Variants in THEMIS observed in about 807,000 individuals in gnomAD.
THEMIS encodes protein THEMIS.
Under a neutral mutation model 52.6 loss-of-function variants are expected in THEMIS, and 37 were observed. The ratio of observed to expected loss-of-function variants is 0.70; its 90% confidence interval spans 0.54 to 0.93. The LOEUF (loss-of-function observed/expected upper bound fraction) is 0.93. Ranked by LOEUF, THEMIS falls within the 40% of genes least tolerant of loss-of-function variation. The pLI is 0.00. For synonymous variants in THEMIS, 292 were observed against 272.7 expected (o/e 1.07, Z -0.70); for missense variants, 808 against 763.1 (o/e 1.06, Z -0.69).
chr6:127,909,754 A>G (rs1349885971), intron 1 of THEMIS: 1 of 152,148 alleles, frequency 6.6e-6, no homozygotes, highest in Admixed American at 6.6e-5. Context: ...CAACAACTAT[A>G]CACACACAAA....
intron 3 of THEMIS, among the ~76,000 whole-genome samples, chr6:127,826,807 T>C (rs1427877999): frequency 1.3e-5 from 2 of 152,184 alleles, no homozygotes; most frequent in Non-Finnish European, 1.5e-5. Flanking sequence ...TGCACTGTTA[T>C]GTGTATCTAT....
intron 4 of THEMIS, among the ~76,000 whole-genome samples, chr6:127,740,442 T>TGTTCATAGTCATATCCCA (rs11269905): frequency 0.18 from 27,804 of 152,000 alleles, 3,184 homozygotes; most frequent in African/African-American, 0.33. Context: ...AAATTCAAAC[T>TGTTCATAGTCATATCCCA]GTGATTATTT....
intron 1 of THEMIS, among the ~76,000 whole-genome samples, chr6:127,897,396 G>T (rs1460124999): frequency 1.3e-5 from 2 of 151,248 alleles, no homozygotes; most frequent in East Asian, 3.9e-4. Flanking sequence ...AATTGACAAA[G>T]AGTAAATATC....
intron 4 of THEMIS, among the ~76,000 whole-genome samples, chr6:127,805,163 A>T (rs1476594130): frequency 6.6e-6 from 1 of 152,036 alleles, no homozygotes; most frequent in African/African-American, 2.4e-5. Context: ...TTCTCATGAG[A>T]TCTAAAATCG....
intron 4 of THEMIS, among the ~76,000 whole-genome samples, chr6:127,806,222 G>T (rs1388224544): frequency 1.3e-5 from 2 of 152,104 alleles, no homozygotes; most frequent in East Asian, 1.9e-4. Context: ...TTTCTTAAAG[G>T]CCAGAAATCT....
chr6:127,791,062 C>T (rs1203511802), intron 4 of THEMIS, among the ~76,000 whole-genome samples: 1 of 152,206 alleles, frequency 6.6e-6, no homozygotes, highest in Admixed American at 6.5e-5. Context: ...TTTCTTGTTG[C>T]CTGCCATGTG....
intron 4 of THEMIS, among the ~76,000 whole-genome samples, chr6:127,780,362 G>C (rs1360178499): frequency 1.3e-5 from 2 of 152,178 alleles, no homozygotes; most frequent in Non-Finnish European, 2.9e-5. Flanking sequence ...TTGCCAGTCT[G>C]TGTCTTTTAA....
At chr6:127,839,475 ATT>A (rs1778974074) in intron 2 of THEMIS, among the ~76,000 whole-genome samples, 1 of 151,936 alleles carries the variant, frequency 6.6e-6, no homozygotes, top group Non-Finnish European at 1.5e-5. Flanking sequence ...TAATGTTACT[ATT>A]TGCAAATAAT....
chr6:127,706,763 T>G (rs954344103), downstream of THEMIS, among the ~76,000 whole-genome samples: 1 of 151,978 alleles, frequency 6.6e-6, no homozygotes, highest in African/African-American at 2.4e-5. Context: ...GAAGGTAATA[T>G]GTGGATAAAG....
chr6:127,775,922 A>G (rs1242273331), intron 4 of THEMIS, among the ~76,000 whole-genome samples: 2 of 152,134 alleles, frequency 1.3e-5, no homozygotes, highest in African/African-American at 4.8e-5. Flanking sequence ...ATGTATCTCT[A>G]ACATTTTCTC....
intron 4 of THEMIS, among the ~76,000 whole-genome samples, chr6:127,771,729 G>T (rs929874639): frequency 6.6e-6 from 1 of 152,118 alleles, no homozygotes; most frequent in Non-Finnish European, 1.5e-5. Flanking sequence ...AGCATTGATT[G>T]TTTAAAACCA....
At chr6:127,892,823 T>C (rs1028019173) in intron 1 of THEMIS, among the ~76,000 whole-genome samples, 1 of 152,092 alleles carries the variant, frequency 6.6e-6, no homozygotes, top group African/African-American at 2.4e-5. Flanking sequence ...ACAATAACTT[T>C]TGTGAATCTT....
chr6:127,853,603 T>C (rs1050824419), intron 2 of THEMIS, among the ~76,000 whole-genome samples: 2 of 151,696 alleles, frequency 1.3e-5, no homozygotes, highest in Admixed American at 6.6e-5. Flanking sequence ...ATATAGCTAA[T>C]ATATTTTCAT....
At chr6:127,839,256 A>C (rs911721114) in intron 2 of THEMIS, among the ~76,000 whole-genome samples, 2 of 152,074 alleles carry the variant, frequency 1.3e-5, no homozygotes, top group Non-Finnish European at 2.9e-5. Context: ...AACTTGTATA[A>C]TACTTTTTAA....
At chr6:127,791,430 G>T (rs1777152219) in intron 4 of THEMIS, among the ~76,000 whole-genome samples, 1 of 152,178 alleles carries the variant, frequency 6.6e-6, no homozygotes, top group African/African-American at 2.4e-5. Context: ...CCCATCATCT[G>T]CTCAAGTCTG....
chr6:127,704,325 T>C (rs1040962646), downstream of THEMIS, among the ~76,000 whole-genome samples: 1 of 152,158 alleles, frequency 6.6e-6, no homozygotes, highest in Non-Finnish European at 1.5e-5. Flanking sequence ...CGGGCTGATA[T>C]GGGAGGTCAA....
intron 4 of THEMIS, among the ~76,000 whole-genome samples, chr6:127,750,662 G>C (rs1775609385): frequency 6.6e-6 from 1 of 151,686 alleles, no homozygotes. Context: ...CTACATAATT[G>C]CTGATGCAAT....
At chr6:127,875,348 G>T (rs953236079) in intron 1 of THEMIS, among the ~76,000 whole-genome samples, 2 of 152,216 alleles carry the variant, frequency 1.3e-5, no homozygotes, top group African/African-American at 4.8e-5. Context: ...AAACACAGAA[G>T]CATGTGCATA....
intron 5 of THEMIS, among the ~76,000 whole-genome samples, chr6:127,712,683 T>C (rs541550778): frequency 2.0e-5 from 3 of 152,018 alleles, no homozygotes; most frequent in Non-Finnish European, 2.9e-5. Flanking sequence ...ATTTCATTCA[T>C]AGAAGAGTAG....
Sources: gnomAD v4.1 joint callset for allele counts (sites outside exome capture counted in the v4.1 genomes callset) on GRCh38, gnomAD v4.1.1 for gene constraint, MANE v1.5 for transcripts, NCBI Gene and HGNC (gene_info 2026-07-23, HGNC 2026-07-21) for gene names.